The following VAV2 variants were observed in gnomAD, a reference collection of about 807,000 sequenced individuals.
VAV2 encodes vav guanine nucleotide exchange factor 2.
In VAV2, 67 loss-of-function variants were observed where a neutral mutation model predicts 132.5. That is an observed-to-expected ratio of 0.51 (90% CI 0.42 to 0.62). The LOEUF (loss-of-function observed/expected upper bound fraction) is 0.62. Among genes scored for constraint, VAV2 ranks in the 20% least tolerant of loss-of-function variants. The pLI, the probability that VAV2 is intolerant of heterozygous loss-of-function variation, is 0.00. For missense variants in VAV2, 938 were observed against 1,153.6 expected, an observed-to-expected ratio of 0.81 and a Z score of 2.71; for synonymous variants, 492 against 443.5, an observed-to-expected ratio of 1.11 and a Z score of -1.37.
At chr9:133,818,218 T>C (rs1835643225) in intron 4 of VAV2, among the ~76,000 whole-genome samples, 1 of 151,778 alleles carries the variant, frequency 6.6e-6, no homozygotes, top group South Asian at 2.1e-4. Context: ...TACAAAAAAT[T>C]AGCCAGGCAT....
intron 2 of VAV2, among the ~76,000 whole-genome samples, chr9:133,937,438 A>T (rs113537753): frequency 3.1e-5 from 3 of 96,972 alleles, no homozygotes; most frequent in Non-Finnish European, 7.3e-5. Flanking sequence ...GTGTGTGTGT[A>T]TGTGAGCTGT....
intron 1 of VAV2, among the ~76,000 whole-genome samples, chr9:133,948,968 A>G (rs577253451): frequency 1.1e-4 from 16 of 152,278 alleles, no homozygotes; most frequent in African/African-American, 3.8e-4. Flanking sequence ...TAATCTGCGG[A>G]CAACCTGGGA....
At chr9:133,956,438 T>C (rs1841782925) in intron 1 of VAV2, among the ~76,000 whole-genome samples, 1 of 152,198 alleles carries the variant, frequency 6.6e-6, no homozygotes, top group Non-Finnish European at 1.5e-5. Context: ...TTTCTACCTT[T>C]CTGAGTTGTT....
chr9:133,843,945 G>A (rs1265972780), intron 3 of VAV2, among the ~76,000 whole-genome samples: 2 of 152,120 alleles, frequency 1.3e-5, no homozygotes, highest in African/African-American at 4.8e-5. Context: ...TGCCATGGCA[G>A]GTCCAGCGAG....
chr9:133,848,197 G>A (rs780192533), intron 3 of VAV2, among the ~76,000 whole-genome samples: 1 of 149,618 alleles, frequency 6.7e-6, no homozygotes, highest in Non-Finnish European at 1.5e-5. Flanking sequence ...GGAGAATGGC[G>A]TGAACCCAGG....
At chr9:133,809,348 G>A (rs1053043777) in intron 6 of VAV2, among the ~76,000 whole-genome samples, 4 of 152,194 alleles carry the variant, frequency 2.6e-5, no homozygotes, top group African/African-American at 4.8e-5. Flanking sequence ...ACTGACGCAC[G>A]GGGAGGGGAT....
chr9:133,991,241 G>T lies in VAV2; in HGVS notation c.204+834C>A, dbSNP rs973151160. Among the ~76,000 whole-genome samples the T allele has an allele frequency of 1.2e-4, 19 of 152,208 alleles. No homozygotes were observed. The highest frequency in any genetic ancestry group is 2.8e-4 in the Non-Finnish European group (19 of 68,048). ...CGGTAAGGATTCCGCGACCCCCGGA[G>T]AACAGGACGGAAGCCTCGATTCTCT... On this transcript the variant is annotated intron_variant, in intron 1 of 29. Transcript: ENST00000371850. This position sits in a 1 kb window ranked among gnomAD's most constrained non-coding sequence, Gnocchi z 4.8.
intron 4 of VAV2, among the ~76,000 whole-genome samples, chr9:133,817,692 C>A (rs1453533747): frequency 1.3e-5 from 2 of 152,234 alleles, no homozygotes; most frequent in African/African-American, 4.8e-5. Flanking sequence ...CTGCCGTGTG[C>A]AACTTTTTAA....
In VAV2 at chr9:133,806,971, G is replaced by A. The variant is rs554360891; in HGVS notation, c.735+287C>T. On this transcript the variant is annotated intron_variant, in intron 8 of 29. Coordinates refer to ENST00000371850, the MANE Select transcript of VAV2 (RefSeq NM_001134398.2). ...TGGAGGGACACGTTTCTCTCTGGCC[G>A]CTGACAAAAACTTCATTTACATTCT... Among the ~76,000 whole-genome samples, 4 of 152,346 alleles carry A rather than the reference G, an allele frequency of 2.6e-5. No homozygotes were observed. In the South Asian group the frequency reaches 6.2e-4, roughly 24 times the overall value.
chr9:133,923,875 G>A (rs529056621), intron 2 of VAV2, among the ~76,000 whole-genome samples: 55 of 152,194 alleles, frequency 3.6e-4, no homozygotes, highest in African/African-American at 1.3e-3. Flanking sequence ...ATCATTCTCA[G>A]CAAACTATCA....
intron 1 of VAV2, among the ~76,000 whole-genome samples, chr9:133,974,028 G>T (rs1440797279): frequency 6.6e-6 from 1 of 152,076 alleles, no homozygotes; most frequent in Non-Finnish European, 1.5e-5. Context: ...GTTCCAGAAC[G>T]CTCCCTTCAC....
intron 2 of VAV2, among the ~76,000 whole-genome samples, chr9:133,891,146 G>GC (rs1209191043): frequency 6.7e-6 from 1 of 150,174 alleles, no homozygotes; most frequent in Admixed American, 6.6e-5. Flanking sequence ...GCAAGCAGAG[G>GC]CCCGGGGGAC....
intron 3 of VAV2, among the ~76,000 whole-genome samples, chr9:133,854,685 G>A (rs780348804): frequency 6.6e-6 from 1 of 152,242 alleles, no homozygotes; most frequent in Non-Finnish European, 1.5e-5. Flanking sequence ...CAATCCAAAG[G>A]TGGCCTCTTC....
intron 2 of VAV2, among the ~76,000 whole-genome samples, chr9:133,862,086 C>A (rs1467963626): frequency 6.6e-6 from 1 of 152,264 alleles, no homozygotes; most frequent in East Asian, 1.9e-4. Flanking sequence ...GGCCGGCAGA[C>A]TGGTCAAGAG....
Position 133,961,277 on chromosome 9 carries a change from C to T in VAV2, c.205-22058G>A, listed in dbSNP as rs1237640678. On this transcript the variant is annotated intron_variant, in intron 1 of 29. Transcript: ENST00000371850. This position sits in a 1 kb window ranked among gnomAD's most constrained non-coding sequence, Gnocchi z 4.1. ...GTTCCTCACTCTCAGAGCAGACCTCCCAGGGACCCCCGGCCAGGACTCAAG... is the reference window on the plus strand; with the variant it reads ...GTTCCTCACTCTCAGAGCAGACCTCTCAGGGACCCCCGGCCAGGACTCAAG... 6.6e-6 allele frequency among the ~76,000 whole-genome samples: 1 copy of T among 152,204 alleles called. No individual in the cohort carries two copies. Among genetic ancestry groups the T allele is most frequent in the Non-Finnish European group, 1.5e-5 (1 of 68,024 alleles).
At position 133,788,566 on chromosome 9, in the gene VAV2, G is replaced by A. The variant is rs1834328137; in HGVS notation, c.1275-80C>T. 2 of 1,552,820 alleles carry A rather than the reference G, an allele frequency of 1.3e-6. No homozygotes were observed. Among genetic ancestry groups the A allele is most frequent in the Non-Finnish European group, 1.8e-6 (2 of 1,140,108 alleles). On this transcript the variant is annotated intron_variant, in intron 14 of 29. Coordinates refer to ENST00000371850, the MANE Select transcript of VAV2 (RefSeq NM_001134398.2). This position sits in a 1 kb window ranked among gnomAD's most constrained non-coding sequence, Gnocchi z 5.3. ...CGAGGAGGCGGCAGGAGCTGAGCCT[G>A]AGGCTCTGGCACGCGGCTCCCTCTC...
intron 1 of VAV2, among the ~76,000 whole-genome samples, chr9:133,975,501 C>T (rs573686973): frequency 3.3e-5 from 5 of 152,128 alleles, no homozygotes; most frequent in African/African-American, 9.7e-5. Flanking sequence ...TTTCAAAACA[C>T]GACATGTATT....
chr9:133,954,669 ATGTG>A (rs1841687458), intron 1 of VAV2, among the ~76,000 whole-genome samples: 1 of 152,150 alleles, frequency 6.6e-6, no homozygotes, highest in South Asian at 2.1e-4. Context: ...AAGGTCTGTG[ATGTG>A]TGTGTCCTCA....
chr9:133,923,286 C>T (rs918824657), intron 2 of VAV2, among the ~76,000 whole-genome samples: 1 of 152,056 alleles, frequency 6.6e-6, no homozygotes, highest in Non-Finnish European at 1.5e-5. Context: ...GGAGTTTCCT[C>T]AAAAAATTAG....
Sources: gnomAD v4.1 joint callset for allele counts (sites outside exome capture counted in the v4.1 genomes callset) on GRCh38, gnomAD v4.1.1 for gene constraint, Gnocchi (gnomAD v3.1) non-coding constraint, MANE v1.5 for transcripts, NCBI Gene and HGNC (gene_info 2026-07-23, HGNC 2026-07-21) for gene names.